CRISP2: variants seen among roughly 807,000 people sequenced by gnomAD.
CRISP2 encodes cysteine rich secretory protein 2.
In CRISP2, 29 loss-of-function variants were observed where a neutral mutation model predicts 31.7. That is an observed-to-expected ratio of 0.92 (90% CI 0.68 to 1.25). The LOEUF (loss-of-function observed/expected upper bound fraction) is 1.25. CRISP2 is among the 50% of genes most tolerant of loss of function. CRISP2 has a pLI of 0.00. For missense variants in CRISP2, 318 were observed against 286.5 expected, an observed-to-expected ratio of 1.11 and a Z score of -0.79; for synonymous variants, 111 against 101.4, an observed-to-expected ratio of 1.09 and a Z score of -0.57.
At chr6:49,713,897 A>T (rs916520104), upstream of CRISP2, among the ~76,000 whole-genome samples, 3 of 152,102 alleles carry the variant, frequency 2.0e-5, no homozygotes, top group Non-Finnish European at 4.4e-5. Context: ...CAATTTAAAG[A>T]GCTAATTAGG....
chr6:49,681,907 A>G, the CRISP2 span, among the ~76,000 whole-genome samples: 6 of 152,014 alleles, frequency 3.9e-5, no homozygotes, highest in African/African-American at 1.2e-4. Context: ...TTCCTTGTTA[A>G]CTGACAGTGA....
downstream of CRISP2, among the ~76,000 whole-genome samples, chr6:49,688,429 C>G (rs1202414611): frequency 6.7e-6 from 1 of 150,372 alleles, no homozygotes; most frequent in Admixed American, 6.7e-5. Flanking sequence ...AATAAAAATG[C>G]TTTTTTTTTC....
intron 9 of CRISP2, 97 bp from the exon 10 acceptor site, chr6:49,692,997 A>T: frequency 7.6e-7 from 1 of 1,307,480 alleles, no homozygotes; most frequent in Admixed American, 1.8e-5. Context: ...GGAGGGAACA[A>T]ACAAGTTAGC....
At chr6:49,704,538 A>T (rs1023328505) in intron 4 of CRISP2, among the ~76,000 whole-genome samples, 1 of 151,422 alleles carries the variant, frequency 6.6e-6, no homozygotes, top group Non-Finnish European at 1.5e-5. Context: ...TTTGCCTTGA[A>T]CCCTTGATGT....
chr6:49,714,076 A>G (rs554305342), upstream of CRISP2, among the ~76,000 whole-genome samples: 7 of 152,296 alleles, frequency 4.6e-5, no homozygotes, highest in South Asian at 1.5e-3. Flanking sequence ...AGTAACAGGA[A>G]CAACTCTTAT....
At chr6:49,689,794 A>G (rs1254463342), downstream of CRISP2, among the ~76,000 whole-genome samples, 1 of 152,094 alleles carries the variant, frequency 6.6e-6, no homozygotes. Flanking sequence ...TCTAAGTTCT[A>G]ATCAGAATCC....
chr6:49,711,243 A>G (rs1041462646), intron 3 of CRISP2, 42 bp downstream of exon 3: 13 of 152,238 alleles, frequency 8.5e-5, no homozygotes, highest in Admixed American at 7.2e-4. Context: ...AATGATTGGC[A>G]TGATAAAATA....
At chr6:49,678,687 A>G in the CRISP2 span, among the ~76,000 whole-genome samples, 5 of 152,272 alleles carry the variant, frequency 3.3e-5, no homozygotes, top group South Asian at 1.0e-3. Flanking sequence ...GTGTTTTACC[A>G]TTAGAACTAG....
chr6:49,695,776 A>T, intron 9 of CRISP2, 60 bp downstream of exon 9: 1 of 1,266,974 alleles, frequency 7.9e-7, no homozygotes. Flanking sequence ...TAAATTATAT[A>T]AAGAAAAGAT....
chr6:49,708,122 T>C (rs867719017), intron 4 of CRISP2, among the ~76,000 whole-genome samples: 44 of 152,254 alleles, frequency 2.9e-4, no homozygotes, highest in African/African-American at 9.9e-4. Context: ...AGTATATTGT[T>C]AATTTTGTAT....
chr6:49,683,115 G>C, the CRISP2 span, among the ~76,000 whole-genome samples: 1 of 151,410 alleles, frequency 6.6e-6, no homozygotes, highest in Non-Finnish European at 1.5e-5. Context: ...CTGAGATCAC[G>C]CCATTGCACT....
At chr6:49,706,706 T>C (rs181402447) in intron 4 of CRISP2, among the ~76,000 whole-genome samples, 1 of 152,330 alleles carries the variant, frequency 6.6e-6, no homozygotes, top group Admixed American at 6.5e-5. Flanking sequence ...GGATTTTTTC[T>C]GACACCTTGC....
chr6:49,696,079 A>G (rs1764691445), intron 8 of CRISP2, among the ~76,000 whole-genome samples, 155 bp from the exon 9 acceptor site: 4 of 152,236 alleles, frequency 2.6e-5, no homozygotes, highest in Admixed American at 2.6e-4. Context: ...TTCAGATAAC[A>G]ATCCAAATTA....
chr6:49,705,267 T>C (rs1444496857), intron 4 of CRISP2, among the ~76,000 whole-genome samples: 1 of 152,066 alleles, frequency 6.6e-6, no homozygotes, highest in Non-Finnish European at 1.5e-5. Flanking sequence ...GGCTGCTTCA[T>C]AGAGGTCACC....
At chr6:49,691,455 T>C (rs1764051164), downstream of CRISP2, among the ~76,000 whole-genome samples, 1 of 152,170 alleles carries the variant, frequency 6.6e-6, no homozygotes, top group South Asian at 2.1e-4. Context: ...CTAGACACAG[T>C]TTAATTTTGA....
At chr6:49,682,544 T>C in the CRISP2 span, among the ~76,000 whole-genome samples, 1 of 113,194 alleles carries the variant, frequency 8.8e-6, no homozygotes, top group East Asian at 3.5e-4. Context: ...CCCACCTCCC[T>C]CCTTCCCTCC....
the CRISP2 span, among the ~76,000 whole-genome samples, chr6:49,682,979 C>T: frequency 4.6e-5 from 7 of 151,604 alleles, no homozygotes; most frequent in South Asian, 1.0e-3. Context: ...GCCAACATGG[C>T]GAAACCCCAT....
At chr6:49,684,174 A>T in the CRISP2 span, among the ~76,000 whole-genome samples, 25 of 152,162 alleles carry the variant, frequency 1.6e-4, no homozygotes, top group Non-Finnish European at 3.2e-4. Flanking sequence ...TGGGGGATTT[A>T]TTCTAAGACC....
At position 49,702,411 on chromosome 6, in the gene CRISP2, G is replaced by A. The variant is rs143855010; in HGVS notation, c.67-1627C>T. Among the ~76,000 whole-genome samples the A allele has an allele frequency of 1.8e-3, 276 of 151,410 alleles. 1 individual carries two copies. The highest frequency in any genetic ancestry group is 6.5e-3 in the African/African-American group (267 of 41,308). On this transcript the variant is annotated intron_variant, in intron 4 of 9. Transcript: ENST00000339139. ...ACTGTTTTCCATAGTGCTTGTAATAGCTTACATTCCCACCAGCAGTACAAA... is the reference window on the plus strand; with the variant it reads ...ACTGTTTTCCATAGTGCTTGTAATAACTTACATTCCCACCAGCAGTACAAA...
Sources: allele counts gnomAD v4.1 joint callset (sites outside exome capture counted in the v4.1 genomes callset), GRCh38; gene constraint gnomAD v4.1.1; transcripts MANE v1.5; gene names NCBI Gene and HGNC (gene_info 2026-07-23, HGNC 2026-07-21).